ARFGAP3: variants seen among roughly 807,000 people sequenced by gnomAD.
ARFGAP3 encodes the protein ARF GTPase activating protein 3, also known as ADP-ribosylation factor GTPase-activating protein 3.
In ARFGAP3, 72 loss-of-function variants were observed where a neutral mutation model predicts 75.0. The observed-to-expected ratio is 0.96, with a 90% CI of 0.79 to 1.17. The LOEUF is 1.17. Among genes scored for constraint, ARFGAP3 ranks in the 50% most tolerant of loss-of-function variants. The pLI is 0.00. For synonymous variants in ARFGAP3, 221 were observed against 217.9 expected (o/e 1.01, Z -0.13); for missense variants, 620 against 626.6 (o/e 0.99, Z 0.11).
At chr22:42,820,270 TTAG>T (rs1925754646) in intron 9 of ARFGAP3, among the ~76,000 whole-genome samples, 1 of 152,190 alleles carries the variant, frequency 6.6e-6, no homozygotes, top group Non-Finnish European at 1.5e-5. Flanking sequence ...AAAACTTAGC[TTAG>T]TAAGAGAAAT....
chr22:42,857,035 C>T, intron 1 of ARFGAP3, 79 bp downstream of exon 1: 4 of 1,404,132 alleles, frequency 2.8e-6, no homozygotes, highest in Non-Finnish European at 3.7e-6. Context: ...TCCCAAGCCA[C>T]GGGCACTGGC....
intron 6 of ARFGAP3, among the ~76,000 whole-genome samples, chr22:42,827,853 T>C (rs1289340761): frequency 1.3e-5 from 2 of 151,704 alleles, no homozygotes; most frequent in African/African-American, 2.4e-5. Context: ...GGAGGCCAAG[T>C]TGGGCACACT....
At chr22:42,837,559 G>C (rs1327406410) in intron 3 of ARFGAP3, among the ~76,000 whole-genome samples, 1 of 144,634 alleles carries the variant, frequency 6.9e-6, no homozygotes, top group Non-Finnish European at 1.5e-5. Flanking sequence ...AGTTGAGGCT[G>C]CAGTGAGCTA....
Position 42,843,333 on chromosome 22 carries a change from G to A in ARFGAP3, c.189-2317C>T, listed in dbSNP as rs542043839. On this transcript the variant is annotated intron_variant, in intron 2 of 15. Coordinates refer to ENST00000263245, the MANE Select transcript of ARFGAP3 (RefSeq NM_014570.5). ...ACAAAAAGTCGCTACAAAGCATTTC[G>A]CTTTTTCCTGCTTTTATATCTGAAG... Among the ~76,000 whole-genome samples the A allele has an allele frequency of 5.9e-5, 9 of 152,246 alleles. No individual in the cohort carries two copies. The South Asian group carries it at 1.7e-3, about 28-fold the overall frequency.
chr22:42,798,663 T>C (rs762914923), intron 15 of ARFGAP3, among the ~76,000 whole-genome samples: 3 of 152,244 alleles, frequency 2.0e-5, no homozygotes, highest in Admixed American at 6.5e-5. Context: ...ATCTTTTTAA[T>C]CTACGTATAG....
intron 5 of ARFGAP3, among the ~76,000 whole-genome samples, chr22:42,833,737 C>T (rs543710442): frequency 6.6e-6 from 1 of 151,866 alleles, no homozygotes; most frequent in Non-Finnish European, 1.5e-5. Context: ...CCCTAGGTGA[C>T]AAGAGCGAAA....
Position 42,817,220 on chromosome 22 carries a change from T to C in ARFGAP3, c.986A>G (p.Gln329Arg). 1 of 1,613,618 alleles carries C rather than the reference T, an allele frequency of 6.2e-7. No homozygotes were observed. The highest frequency in any genetic ancestry group is 8.5e-7 in the Non-Finnish European group (1 of 1,179,710). The change falls in exon 11 of 16, where the codon CAG becomes CGG. Residue 329 changes from glutamine (Q) to arginine (R), a missense_variant. By Grantham distance (43) the Gln-to-Arg change is conservative. Coordinates refer to ENST00000263245, the MANE Select transcript of ARFGAP3 (RefSeq NM_014570.5). Reference protein sequence around the residue: ...SVTSDMQTIEQESPIMAKPRK... With the variant: ...SVTSDMQTIERESPIMAKPRK... ...TGGTTTTGCCATAATGGGTGATTCC[T>C]GCTCTATGGTCTGCATATCTGAAGT...
chr22:42,819,339 C>T (rs1375166424), intron 9 of ARFGAP3, among the ~76,000 whole-genome samples: 1 of 152,210 alleles, frequency 6.6e-6, no homozygotes, highest in East Asian at 1.9e-4. Flanking sequence ...GCAACAGATT[C>T]TTCTGGAGAA....
intron 7 of ARFGAP3, among the ~76,000 whole-genome samples, chr22:42,824,229 T>C (rs1349757234): frequency 6.8e-6 from 1 of 146,640 alleles, no homozygotes; most frequent in Non-Finnish European, 1.5e-5. Flanking sequence ...TTGCCCAGAC[T>C]GGTCTTGGAC....
At chr22:42,849,168 A>G (rs544421887) in intron 1 of ARFGAP3, among the ~76,000 whole-genome samples, 1 of 152,230 alleles carries the variant, frequency 6.6e-6, no homozygotes, top group Non-Finnish European at 1.5e-5. Context: ...CTGCAGCCTC[A>G]TGAAAGACCC....
At chr22:42,815,629 A>G (rs1185544311) in intron 11 of ARFGAP3, among the ~76,000 whole-genome samples, 1 of 152,306 alleles carries the variant, frequency 6.6e-6, no homozygotes, top group Middle Eastern at 3.4e-3. Context: ...ACACACATAT[A>G]TATCTTTTAT....
At chr22:42,826,549 TTTGTTGTTG>T (rs552674646) in intron 7 of ARFGAP3, among the ~76,000 whole-genome samples, 13 of 151,432 alleles carry the variant, frequency 8.6e-5, no homozygotes, top group East Asian at 1.9e-4. Context: ...TCAGGTAATT[TTTGTTGTTG>T]TTGTTGTTGT....
At chr22:42,852,331 T>C (rs1431268004) in intron 1 of ARFGAP3, among the ~76,000 whole-genome samples, 2 of 151,704 alleles carry the variant, frequency 1.3e-5, no homozygotes, top group Non-Finnish European at 2.9e-5. Context: ...AGTGCTGGGA[T>C]TACAGGCGCC....
intron 7 of ARFGAP3, 72 bp downstream of exon 7, chr22:42,826,868 T>A: frequency 7.2e-7 from 1 of 1,396,392 alleles, no homozygotes; most frequent in Non-Finnish European, 9.9e-7. Flanking sequence ...CCAGGCCAAA[T>A]GCAAGAGGAT....
In ARFGAP3 at chr22:42,857,156, G is replaced by C. The variant is rs750368458; in HGVS notation, c.27C>G (p.Ile9Met). 1 of 1,516,342 alleles carries C rather than the reference G, an allele frequency of 6.6e-7. No individual in the cohort carries two copies. The highest frequency in any genetic ancestry group is 1.2e-5 in the South Asian group (1 of 81,078). 93.9% of individuals were successfully genotyped at this position (1,516,342 alleles called of 1,614,324 possible). ...AGCGGAGGCGCTTGAAGATGGTCAA[G>C]ATGTCCTGCTTGCTGGGGTCCCCCA... MGDPSKQD[I>M]LTIFKRLRSV... The change falls in exon 1 of 16, where the codon ATC becomes ATG. Residue 9 changes from isoleucine to methionine, a missense_variant. Physicochemically the swap from Ile to Met is conservative, Grantham distance 10 (BLOSUM62 1). Transcript: ENST00000263245.
intron 2 of ARFGAP3, among the ~76,000 whole-genome samples, chr22:42,843,088 C>A (rs904412206): frequency 3.9e-5 from 6 of 152,000 alleles, no homozygotes; most frequent in Non-Finnish European, 7.4e-5. Flanking sequence ...TCCCCCCGAC[C>A]CCCCAACCAC....
At chr22:42,854,975 GTTC>G (rs1373728443) in intron 1 of ARFGAP3, among the ~76,000 whole-genome samples, 2 of 152,182 alleles carry the variant, frequency 1.3e-5, no homozygotes, top group Non-Finnish European at 2.9e-5. Flanking sequence ...TCACAGGTGT[GTTC>G]TTCATCATAA....
At position 42,822,402 on chromosome 22, in the gene ARFGAP3, G is replaced by A. The variant is rs1205603368; in HGVS notation, c.680C>T (p.Ala227Val). The change falls in exon 9 of 16, where the codon GCC becomes GTC. Residue 227 changes from alanine (A) to valine (V), a missense_variant. Transcript: ENST00000263245. ...KPNQAKKGLG[A>V]KKGSLGAQKL... is the part of the protein sequence containing the mutation. ...CTGAGCTCCCAAACTTCCTTTTTTG[G>A]CCCCAAGCTAGAACATATATAAGAC... The A allele has an allele frequency of 6.2e-7, 1 of 1,613,668 alleles. No individual in the cohort carries two copies. Among genetic ancestry groups the A allele is most frequent in the African/African-American group, 1.3e-5 (1 of 74,926 alleles).
At chr22:42,804,032 T>C (rs375666399) in intron 14 of ARFGAP3, among the ~76,000 whole-genome samples, 1 of 149,740 alleles carries the variant, frequency 6.7e-6, no homozygotes, top group Non-Finnish European at 1.5e-5. Context: ...GCCTCCAGAG[T>C]AGCTGGGACT....
Sources: allele counts gnomAD v4.1 joint callset (sites outside exome capture counted in the v4.1 genomes callset), GRCh38; gene constraint gnomAD v4.1.1; transcripts MANE v1.5; gene names NCBI Gene and HGNC (gene_info 2026-07-23, HGNC 2026-07-21).